Variants in SRGAP2B observed in about 807,000 individuals in gnomAD.
SRGAP2B encodes SLIT-ROBO Rho GTPase-activating protein 2B.
A neutral mutation model predicts 22.2 loss-of-function variants in SRGAP2B; 9 were observed. The observed-to-expected ratio is 0.41, with a 90% CI of 0.24 to 0.71. SRGAP2B has a LOEUF of 0.71. SRGAP2B is among the 30% of genes least tolerant of loss of function. SRGAP2B has a pLI of 0.35. For synonymous variants in SRGAP2B, 36 were observed against 87.4 expected (o/e 0.41, Z 3.28); for missense variants, 114 against 235.8 (o/e 0.48, Z 3.38).
At chr1:145,001,127 CTG>C (rs1402997875) in intron 2 of SRGAP2B, among the ~76,000 whole-genome samples, 1 of 102,838 alleles carries the variant, frequency 9.7e-6, no homozygotes, top group Non-Finnish European at 1.8e-5. Flanking sequence ...CCTCTCAAAA[CTG>C]TTCCTCAGGA....
At chr1:145,045,333 GAA>G (rs1649683011) in intron 2 of SRGAP2B, among the ~76,000 whole-genome samples, 1 of 143,186 alleles carries the variant, frequency 7.0e-6, no homozygotes, top group African/African-American at 2.7e-5. Flanking sequence ...AAAAGAGAAA[GAA>G]AGAGAGAGAG....
At chr1:145,085,678 AT>A (rs1289027742) in intron 2 of SRGAP2B, among the ~76,000 whole-genome samples, 7 of 138,588 alleles carry the variant, frequency 5.1e-5, no homozygotes, top group African/African-American at 1.1e-4. Flanking sequence ...CACCCAGATA[AT>A]TTTTTTTTGA....
intron 3 of SRGAP2B, among the ~76,000 whole-genome samples, chr1:144,957,359 C>CACATCAGACA (rs1223257627): frequency 6.9e-6 from 1 of 145,176 alleles, no homozygotes; most frequent in Admixed American, 6.9e-5. Context: ...GACTTCAGAA[C>CACATCAGACA]ACATCAGACA....
chr1:144,975,910 G>T (rs1668866681), intron 3 of SRGAP2B, among the ~76,000 whole-genome samples: 2 of 112,556 alleles, frequency 1.8e-5, no homozygotes, highest in Admixed American at 2.6e-4. Context: ...GTCTCGGTCT[G>T]TCACCCAGGC....
At chr1:144,987,900 T>C (rs1193571907) in intron 3 of SRGAP2B, among the ~76,000 whole-genome samples, 2 of 150,988 alleles carry the variant, frequency 1.3e-5, no homozygotes, top group East Asian at 3.9e-4. Context: ...GTCTCATCAC[T>C]GTACTACTAA....
intron 2 of SRGAP2B, among the ~76,000 whole-genome samples, chr1:145,009,671 T>C (rs1392101514): frequency 6.8e-6 from 1 of 147,076 alleles, no homozygotes; most frequent in Non-Finnish European, 1.5e-5. Context: ...AACACTAGTC[T>C]CTCTACTGTA....
chr1:145,081,396 G>C (rs587660429), intron 2 of SRGAP2B, among the ~76,000 whole-genome samples: 36 of 150,768 alleles, frequency 2.4e-4, no homozygotes, highest in African/African-American at 8.4e-4. Flanking sequence ...AGGGAAACTA[G>C]GGATTTTGAG....
intron 3 of SRGAP2B, chr1:144,965,158 G>A: frequency 1.8e-6 from 2 of 1,135,930 alleles, no homozygotes; most frequent in Non-Finnish European, 2.6e-6. Context: ...GTAGGGGGGA[G>A]GAGCCAAGAT....
intron 3 of SRGAP2B, among the ~76,000 whole-genome samples, chr1:144,957,446 A>C (rs1570846259): frequency 7.1e-6 from 1 of 140,762 alleles, no homozygotes; most frequent in East Asian, 2.0e-4. Context: ...AAACTGTTCT[A>C]AACCTGTATC....
chr1:144,938,402 TC>T (rs1409540226), intron 4 of SRGAP2B, among the ~76,000 whole-genome samples: 5 of 67,734 alleles, frequency 7.4e-5, no homozygotes, highest in African/African-American at 3.4e-4. Context: ...CCACCACTCT[TC>T]CTCTTGCCTA....
At chr1:144,988,999 C>CTTTTTTTTTTTT (rs3062880) in intron 3 of SRGAP2B, among the ~76,000 whole-genome samples, 100 of 55,088 alleles carry the variant, frequency 1.8e-3, no homozygotes, top group Middle Eastern at 0.015. Context: ...ACTCCCCCCA[C>CTTTTTTTTTTTT]TTTTTTTTTT....
At position 144,923,387 on chromosome 1, in the gene SRGAP2B, G is replaced by A. The variant is rs1664398839; in HGVS notation, c.424-8633C>T. 1.3e-5 allele frequency among the ~76,000 whole-genome samples: 2 copies of A among 150,240 alleles called. 1 individual carries two copies. The highest frequency in any genetic ancestry group is 5.0e-5 in the African/African-American group (2 of 39,888). On this transcript the variant is annotated intron_variant, in intron 4 of 9. Transcript: ENST00000612199. Reference sequence around the variant, plus strand: ...CTCTCATGCCAAAGCATTTCTTGAGGTCATTCTGAAGATGAGTGATCACCC... The same window carrying A: ...CTCTCATGCCAAAGCATTTCTTGAGATCATTCTGAAGATGAGTGATCACCC...
At chr1:145,036,417 T>C (rs868935841) in intron 2 of SRGAP2B, among the ~76,000 whole-genome samples, 51 of 129,774 alleles carry the variant, frequency 3.9e-4, no homozygotes, top group Middle Eastern at 3.7e-3. Context: ...AAAACTATCA[T>C]GAGATTCTTT....
chr1:144,951,887 T>C (rs1666901170), intron 4 of SRGAP2B, among the ~76,000 whole-genome samples: 3 of 148,148 alleles, frequency 2.0e-5, no homozygotes, highest in Admixed American at 6.7e-5. Context: ...CCCAATTTGG[T>C]ATTTCTTTAT....
chr1:144,922,878 G>T (rs1246754206), intron 4 of SRGAP2B, among the ~76,000 whole-genome samples: 2 of 151,022 alleles, frequency 1.3e-5, no homozygotes, highest in African/African-American at 4.9e-5. Flanking sequence ...AGAAGCTCTG[G>T]AATGTGTGAG....
At chr1:144,976,054 T>C (rs1668881894) in intron 3 of SRGAP2B, among the ~76,000 whole-genome samples, 2 of 148,282 alleles carry the variant, frequency 1.3e-5, no homozygotes, top group Admixed American at 1.3e-4. Context: ...TTTTTTTTTG[T>C]ATTTTTTAGA....
chr1:144,908,301 A>C (rs1178509344), intron 5 of SRGAP2B, among the ~76,000 whole-genome samples: 1 of 150,502 alleles, frequency 6.6e-6, no homozygotes, highest in Non-Finnish European at 1.5e-5. Context: ...GAGGTCAAAG[A>C]ATAGCACTAC....
At chr1:144,998,883 T>C (rs1670905030) in intron 2 of SRGAP2B, among the ~76,000 whole-genome samples, 1 of 150,692 alleles carries the variant, frequency 6.6e-6, no homozygotes, top group Non-Finnish European at 1.5e-5. Context: ...CTGGCCCCAG[T>C]CCCCGTTCAT....
chr1:145,076,453 T>C (rs1242209617), intron 2 of SRGAP2B, among the ~76,000 whole-genome samples: 2 of 150,228 alleles, frequency 1.3e-5, no homozygotes, highest in Non-Finnish European at 3.0e-5. Context: ...ATTCATACCA[T>C]AGAATACTGC....
Sources: allele counts gnomAD v4.1 joint callset (sites outside exome capture counted in the v4.1 genomes callset), GRCh38; gene constraint gnomAD v4.1.1; transcripts MANE v1.5; gene names NCBI Gene and HGNC (gene_info 2026-07-23, HGNC 2026-07-21).